Variants in UBR3 observed in about 807,000 individuals in gnomAD.
UBR3 encodes E3 ubiquitin-protein ligase UBR3.
UBR3 carries 85 observed loss-of-function variants against 243.2 expected under a neutral mutation model. That is an observed-to-expected ratio of 0.35 (90% confidence interval 0.29 to 0.42). The LOEUF (loss-of-function observed/expected upper bound fraction) is 0.42, where lower values mean the gene tolerates loss of function less well. Ranked by LOEUF, UBR3 falls within the 10% of genes least tolerant of loss-of-function variation. The pLI, the probability that UBR3 is intolerant of heterozygous loss-of-function variation, is 1.00. For synonymous variants in UBR3, 748 were observed against 799.8 expected (o/e 0.94, Z 1.09); for missense variants, 1,686 against 2,300.8 (o/e 0.73, Z 5.47).
intron 24 of UBR3, among the ~76,000 whole-genome samples, chr2:169,962,840 GC>G (rs2087641582): frequency 6.6e-6 from 1 of 151,926 alleles, no homozygotes; most frequent in Non-Finnish European, 1.5e-5. Context: ...TTCCTCATTT[GC>G]CTGATGATTC....
intron 31 of UBR3, among the ~76,000 whole-genome samples, chr2:170,035,913 G>GGT (rs1559206580): frequency 6.4e-5 from 8 of 125,848 alleles, no homozygotes; most frequent in East Asian, 2.3e-4. Flanking sequence ...ATTTTATTGG[G>GGT]GGGGGGGTTG....
At chr2:169,901,307 A>T (rs1461658033) in intron 8 of UBR3, among the ~76,000 whole-genome samples, 1 of 152,194 alleles carries the variant, frequency 6.6e-6, no homozygotes, top group Non-Finnish European at 1.5e-5. Flanking sequence ...AAGATCTTTA[A>T]ATATAATTTT....
chr2:170,035,872 G>A (rs1313343618), intron 31 of UBR3, among the ~76,000 whole-genome samples: 3 of 118,590 alleles, frequency 2.5e-5, no homozygotes, highest in Non-Finnish European at 5.1e-5. Context: ...ATAGATCTTT[G>A]CATATTTTTT....
rs1163661543 is a variant in UBR3 at position 169,929,760 on chromosome 2, T to C, written c.2566+892T>C. 2.6e-5 allele frequency among the ~76,000 whole-genome samples: 4 copies of C among 152,316 alleles called. 1 individual carries two copies. The Middle Eastern group carries it at 0.01, about 389-fold the overall frequency. The stretch of plus-strand genomic sequence containing the variant: ...TGAGGTTTTGATTTACACAGTCTTT[T>C]TTTGTTTGACTTTCATATTTTCACT... On this transcript the variant is annotated intron_variant, in intron 18 of 38. Transcript: ENST00000272793.
intron 1 of UBR3, among the ~76,000 whole-genome samples, chr2:169,834,074 C>T (rs1573999527): frequency 6.6e-6 from 1 of 152,204 alleles, no homozygotes; most frequent in East Asian, 1.9e-4. Context: ...AGGCGTGAGC[C>T]ACAGTGTGGT....
At position 169,885,347 on chromosome 2, in the gene UBR3, C is replaced by T. The variant is rs147390113; in HGVS notation, c.1039-5818C>T. Reference sequence around the variant, plus strand: ...CTGTAATCCCAGCACTTTGGGAGGCCGAGGCGGGCGGATCACCTGAGGTTG... The same window carrying T: ...CTGTAATCCCAGCACTTTGGGAGGCTGAGGCGGGCGGATCACCTGAGGTTG... On this transcript the variant is annotated intron_variant, in intron 5 of 38. Coordinates refer to ENST00000272793, the MANE Select transcript of UBR3 (RefSeq NM_172070.4). 3.1e-3 allele frequency among the ~76,000 whole-genome samples: 469 copies of T among 152,132 alleles called. 2 individuals are homozygous for T. Among genetic ancestry groups the T allele is most frequent in the African/African-American group, 0.011 (440 of 41,514 alleles).
chr2:169,988,376 T>A (rs1469371297), intron 25 of UBR3, among the ~76,000 whole-genome samples: 1 of 152,250 alleles, frequency 6.6e-6, no homozygotes, highest in Non-Finnish European at 1.5e-5. Flanking sequence ...TATTTTATGT[T>A]TTTAAGTTTA....
chr2:169,830,222 T>C (rs1437382591), intron 1 of UBR3, among the ~76,000 whole-genome samples: 1 of 152,160 alleles, frequency 6.6e-6, no homozygotes, highest in Non-Finnish European at 1.5e-5. Flanking sequence ...AAAAACGTGG[T>C]GTATCTGTCT....
intron 10 of UBR3, 22 bp downstream of exon 10, chr2:169,906,186 T>TA (rs1402155678): frequency 6.5e-7 from 1 of 1,527,726 alleles, no homozygotes; most frequent in Non-Finnish European, 8.8e-7. Context: ...ATATTTTTGT[T>TA]AATTTCTGTG....
intron 24 of UBR3, among the ~76,000 whole-genome samples, chr2:169,984,220 C>T (rs1315511660): frequency 6.6e-6 from 1 of 152,052 alleles, no homozygotes; most frequent in Non-Finnish European, 1.5e-5. Context: ...CCAAGTTACT[C>T]ATTTAGAGTA....
intron 11 of UBR3, among the ~76,000 whole-genome samples, chr2:169,918,258 A>G (rs373350866): frequency 3.3e-5 from 5 of 150,808 alleles, no homozygotes; most frequent in African/African-American, 2.4e-5. Flanking sequence ...TCAACTAGCT[A>G]TGTGGCCTTG....
intron 1 of UBR3, among the ~76,000 whole-genome samples, 165 bp downstream of exon 1, chr2:169,828,217 G>C (rs1164445627): frequency 1.3e-5 from 2 of 152,122 alleles, no homozygotes; most frequent in Non-Finnish European, 2.9e-5. Context: ...CGGTGGAAAG[G>C]GGGTGGGGAG....
chr2:169,964,792 T>C, intron 24 of UBR3: 1 of 450,392 alleles, frequency 2.2e-6, no homozygotes. Context: ...ATTGACTCCA[T>C]GTCCTAATTT....
At chr2:169,899,172 G>T (rs2084715623) in intron 8 of UBR3, among the ~76,000 whole-genome samples, 1 of 151,328 alleles carries the variant, frequency 6.6e-6, no homozygotes, top group Non-Finnish European at 1.5e-5. Context: ...TAGAGACAGG[G>T]TTTCACTGCA....
intron 5 of UBR3, among the ~76,000 whole-genome samples, chr2:169,885,731 ACTGTGTAGATATG>A (rs1370812464): frequency 6.6e-6 from 1 of 152,226 alleles, no homozygotes; most frequent in Non-Finnish European, 1.5e-5. Context: ...AAAATAAGTT[ACTGTGTAGATATG>A]CTTTGAATAT....
In UBR3 at chr2:169,838,385, ATTTGTGTGTGTGTGTGTGTGTGTGTGTG is replaced by A. The variant is rs1424597086; in HGVS notation, c.545+10335_545+10362del. ...AAGCTGGGAAGTCCAAGATTAAGGC[ATTTGTGTGTGTGTGTGTGTGTGTGTGTG>A]TGTGTGTGTGTGTGTGTGTGTGTGT... On this transcript the variant is annotated intron_variant, in intron 1 of 38. Coordinates refer to ENST00000272793, the MANE Select transcript of UBR3 (RefSeq NM_172070.4). 1.5e-3 allele frequency among the ~76,000 whole-genome samples: 204 copies of A among 131,686 alleles called. 1 individual carries two copies. Among genetic ancestry groups the A allele is most frequent in the Admixed American group, 3.2e-3 (41 of 12,932 alleles). 86.4% of individuals were successfully genotyped at this position (131,686 alleles called of 152,430 possible).
intron 36 of UBR3, among the ~76,000 whole-genome samples, chr2:170,074,914 T>G (rs2091772801): frequency 6.6e-6 from 1 of 152,186 alleles, no homozygotes; most frequent in Admixed American, 6.6e-5. Flanking sequence ...ACTAGTCACC[T>G]AATAAATATT....
chr2:170,016,950 TTTA>T lies in UBR3; in HGVS notation c.4453+1590_4453+1592del, dbSNP rs556448720. On this transcript the variant is annotated intron_variant, in intron 30 of 38. Coordinates refer to ENST00000272793, the MANE Select transcript of UBR3 (RefSeq NM_172070.4). The stretch of plus-strand genomic sequence containing the variant: ...TTAATATTTCTTAGTTTTTGTATAA[TTTA>T]TTATTGTTCAGTTACTTATTTATCC... 1,300 of 571,992 alleles carry T rather than the reference TTTA, an allele frequency of 2.3e-3. 4 individuals carry two copies. Among genetic ancestry groups the T allele is most frequent in the Non-Finnish European group, 2.7e-3 (1,150 of 420,038 alleles). The allele number at this position is 571,992 out of a possible 1,614,324, so 35.4% of individuals were successfully genotyped here.
At chr2:170,009,798 A>G (rs1183317217) in intron 29 of UBR3, among the ~76,000 whole-genome samples, 1 of 152,120 alleles carries the variant, frequency 6.6e-6, no homozygotes, top group Non-Finnish European at 1.5e-5. Flanking sequence ...TCTTGAGTCA[A>G]GGTTTACTGT....
Sources: gnomAD v4.1 joint callset for allele counts (sites outside exome capture counted in the v4.1 genomes callset) on GRCh38, gnomAD v4.1.1 for gene constraint, MANE v1.5 for transcripts, NCBI Gene and HGNC (gene_info 2026-07-23, HGNC 2026-07-21) for gene names.